The following BSN variants were observed in gnomAD, a reference collection of about 807,000 sequenced individuals.
The protein encoded by BSN is bassoon presynaptic cytomatrix protein.
Under a neutral mutation model 264.8 loss-of-function variants are expected in BSN, and 57 were observed. That is an observed-to-expected ratio of 0.22 (90% confidence interval 0.17 to 0.27). The LOEUF is 0.27. BSN is among the 10% of genes least tolerant of loss of function. The probability of loss-of-function intolerance (pLI) is 1.00; values close to 1 mark genes in which losing one functional copy is unlikely to be tolerated. For synonymous variants in BSN, 2,059 were observed against 2,137.3 expected (o/e 0.96, Z 1.01); for missense variants, 4,615 against 5,232.5 (o/e 0.88, Z 3.64).
At chr3:49,612,386 C>T (rs1257716186) in intron 1 of BSN, among the ~76,000 whole-genome samples, 6 of 152,150 alleles carry the variant, frequency 3.9e-5, no homozygotes, top group African/African-American at 7.2e-5. Flanking sequence ...CTGCCTGCCT[C>T]GGCCTCCCAA....
chr3:49,570,847 GA>G (rs1282696028), intron 1 of BSN, among the ~76,000 whole-genome samples: 1 of 152,184 alleles, frequency 6.6e-6, no homozygotes, highest in Non-Finnish European at 1.5e-5. Flanking sequence ...TCAGAGGCAA[GA>G]AGAAAGAGGA....
intron 1 of BSN, among the ~76,000 whole-genome samples, chr3:49,590,439 C>T (rs964168733): frequency 5.9e-5 from 9 of 151,990 alleles, no homozygotes; most frequent in Non-Finnish European, 1.0e-4. Context: ...CTATTTGTCT[C>T]ATGCTTTTTT....
Position 49,661,190 on chromosome 3 carries a change from A to G in BSN, c.9345A>G (p.Thr3115=). 1 of 1,613,562 alleles carries G rather than the reference A, an allele frequency of 6.2e-7. No homozygotes were observed. The highest frequency in any genetic ancestry group is 1.1e-5 in the South Asian group (1 of 91,076). Residue 3115 remains threonine, a synonymous_variant, in exon 6 of 12, where the codon ACA becomes ACG. Transcript: ENST00000296452. Reference sequence around the variant, plus strand: ...CAAACCAGCAGGCTTTCCGCCCCACAGGCCACTATGCAGGCCAAACACCCA... The same window carrying G: ...CAAACCAGCAGGCTTTCCGCCCCACGGGCCACTATGCAGGCCAAACACCCA... ...GLPNQQAFRP[T]GHYAGQTPMP...
At chr3:49,624,145 C>T (rs1389195638) in intron 1 of BSN, among the ~76,000 whole-genome samples, 4 of 150,788 alleles carry the variant, frequency 2.7e-5, no homozygotes, top group Non-Finnish European at 4.4e-5. Flanking sequence ...GGCCTACAGG[C>T]GCCCACCACC....
intron 1 of BSN, among the ~76,000 whole-genome samples, chr3:49,575,887 T>C (rs2051842311): frequency 6.6e-6 from 1 of 152,008 alleles, no homozygotes; most frequent in African/African-American, 2.4e-5. Flanking sequence ...TAGAAGATCC[T>C]AGAAATATGC....
At chr3:49,640,478 G>A (rs370330673) in intron 2 of BSN, 69 of 152,228 alleles carry the variant, frequency 4.5e-4, no homozygotes, top group African/African-American at 1.3e-3. Flanking sequence ...CAGAGTACCC[G>A]GAGGGTGTTT....
intron 1 of BSN, among the ~76,000 whole-genome samples, chr3:49,612,039 C>T (rs1489185888): frequency 6.6e-6 from 1 of 152,140 alleles, no homozygotes; most frequent in African/African-American, 2.4e-5. Flanking sequence ...ACATTTTTTC[C>T]TTCCAAAAAC....
chr3:49,613,873 T>C (rs950030406), intron 1 of BSN, among the ~76,000 whole-genome samples: 1 of 152,040 alleles, frequency 6.6e-6, no homozygotes, highest in Non-Finnish European at 1.5e-5. Flanking sequence ...ACGTGGTTTC[T>C]ATGAGTTCTT....
In BSN at chr3:49,656,579, T is replaced by G; in HGVS notation, c.7023T>G (p.Ala2341=). The change falls in exon 5 of 12, where the codon GCT becomes GCG. Residue 2341 remains alanine, a synonymous_variant. Transcript: ENST00000296452. ...GCCAGAAGCCACCAGCAGATGCTGC[T>G]CCTGGGGGTGGCAGTGGGGCCCTCA... The part of the protein sequence containing the change: ...LAGQKPPADA[A]PGGGSGALSR... 6.3e-7 allele frequency: 1 copy of G among 1,590,092 alleles called. No homozygotes were observed. Among genetic ancestry groups the G allele is most frequent in the Non-Finnish European group, 8.6e-7 (1 of 1,167,832 alleles).
Position 49,657,624 on chromosome 3 carries a change from A to T in BSN, c.8068A>T (p.Ile2690Phe), listed in dbSNP as rs753014034. The T allele has an allele frequency of 5.0e-6, 8 of 1,601,634 alleles. No individual in the cohort carries two copies. Among genetic ancestry groups the T allele is most frequent in the Non-Finnish European group, 6.8e-6 (8 of 1,171,426 alleles). Residue 2690 changes from isoleucine to phenylalanine, a missense_variant, in exon 5 of 12, where the codon ATC becomes TTC. Coordinates refer to ENST00000296452, the MANE Select transcript of BSN (RefSeq NM_003458.4). ...QLPRVSPAIHITAATDPKVEI... is the reference protein window; with the variant it reads ...QLPRVSPAIHFTAATDPKVEI... Reference sequence around the variant, plus strand: ...GCCCAGGGTCTCTCCAGCCATCCACATCACAGCTGCCACCGATCCCAAGGT... The same window carrying T: ...GCCCAGGGTCTCTCCAGCCATCCACTTCACAGCTGCCACCGATCCCAAGGT...
chr3:49,662,145 G>T lies in BSN; in HGVS notation c.10300G>T (p.Asp3434Tyr). 6.2e-7 allele frequency: 1 copy of T among 1,613,460 alleles called. No individual in the cohort carries two copies. The highest frequency in any genetic ancestry group is 1.1e-5 in the South Asian group (1 of 91,048). ...GMSSRDAVED[D>Y]RIYGGSSRSR... ...GTCCAGCCGGGACGCAGTGGAGGAC[G>T]ACCGCATTTATGGCGGGAGCAGCCG... Residue 3434 changes from aspartate to tyrosine, a missense_variant, in exon 6 of 12, where the codon GAC (aspartate) becomes TAC (tyrosine). By Grantham distance (160) the Asp-to-Tyr change is radical. Around this residue, in one of 3 missense-constraint regions of BSN, gnomAD observed 3,415 missense variants for 3,866.4 expected, o/e 0.88. Coordinates refer to ENST00000296452, the MANE Select transcript of BSN (RefSeq NM_003458.4).
intron 1 of BSN, among the ~76,000 whole-genome samples, chr3:49,592,407 CCAATTATTTCT>C (rs1350623414): frequency 1.3e-4 from 20 of 150,286 alleles, no homozygotes; most frequent in Non-Finnish European, 2.7e-4. Flanking sequence ...CCGTGCCCGA[CCAATTATTTCT>C]CAATTTTTTA....
chr3:49,651,354 G>A lies in BSN; in HGVS notation c.1987-189G>A, dbSNP rs373380759. ...TAAAGTTTCTCTTTGAAGACCAAGG[G>A]CTGGTTTGGGCTTGCCATGGAACCT... On this transcript the variant is annotated intron_variant, in intron 4 of 11. Transcript: ENST00000296452. The surrounding 1 kb of genome is among the most constrained non-coding windows in gnomAD (Gnocchi z 5.4). 10 of 678,510 alleles carry A rather than the reference G, an allele frequency of 1.5e-5. No individual in the cohort carries two copies. Among genetic ancestry groups the A allele is most frequent in the East Asian group, 1.4e-4 (5 of 35,500 alleles). The allele number at this position is 678,510 out of a possible 1,614,324, so 42.0% of individuals were successfully genotyped here. A position where few individuals can be genotyped will look rare whatever the true frequency, so the allele number is the denominator to read the frequency against.
At chr3:49,673,087 C>T (rs868150110), downstream of BSN, among the ~76,000 whole-genome samples, 13 of 43,206 alleles carry the variant, frequency 3.0e-4, no homozygotes, top group African/African-American at 4.2e-4. Flanking sequence ...CCGGCCGGGA[C>T]TTTTTTTTTT....
At chr3:49,650,379 CTCT>C (rs2052530984) in intron 3 of BSN, among the ~76,000 whole-genome samples, 1 of 152,162 alleles carries the variant, frequency 6.6e-6, no homozygotes, top group Admixed American at 6.5e-5. Flanking sequence ...AAGGAAAGTA[CTCT>C]TCTTTGGGGT....
At chr3:49,587,806 CAG>C (rs1225338179) in intron 1 of BSN, among the ~76,000 whole-genome samples, 1 of 152,060 alleles carries the variant, frequency 6.6e-6, no homozygotes, top group African/African-American at 2.4e-5. Flanking sequence ...GAGGACCAAT[CAG>C]GGGTACTTTC....
rs144741253 is a variant in BSN at position 49,655,027 on chromosome 3, C to T, written c.5471C>T (p.Ala1824Val). ...RDVLITQMGT[A>V]QSIGLKPGPV... ...GTTTTGATCACTCAGATGGGCACCG[C>T]CCAGAGCATTGGCCTCAAGCCAGGC... The change falls in exon 5 of 12, where the codon GCC (alanine) becomes GTC (valine). Residue 1824 changes from alanine to valine, a missense_variant. This residue lies in a region of BSN where 3,415 missense variants were observed against 3,866.4 expected (regional missense o/e 0.88). Transcript: ENST00000296452. 3.1e-6 allele frequency: 5 copies of T among 1,613,118 alleles called. No individual in the cohort carries two copies. The highest frequency in any genetic ancestry group is 4.2e-6 in the Non-Finnish European group (5 of 1,180,050).
At chr3:49,560,165 T>G (rs1262605781) in intron 1 of BSN, among the ~76,000 whole-genome samples, 1 of 152,142 alleles carries the variant, frequency 6.6e-6, no homozygotes, top group Admixed American at 6.5e-5. Context: ...TTTGGGGGCT[T>G]AATAAATCTT....
chr3:49,614,902 G>T (rs549597817), intron 1 of BSN, among the ~76,000 whole-genome samples: 7 of 152,234 alleles, frequency 4.6e-5, no homozygotes, highest in African/African-American at 1.7e-4. Flanking sequence ...TGGGGAATGA[G>T]GTCCCCAAGG....
Sources: gnomAD v4.1 joint callset for allele counts (sites outside exome capture counted in the v4.1 genomes callset) on GRCh38, gnomAD v4.1.1 for gene constraint, gnomAD v4.1.1 regional missense constraint, Gnocchi (gnomAD v3.1) non-coding constraint, MANE v1.5 for transcripts, NCBI Gene and HGNC (gene_info 2026-07-23, HGNC 2026-07-21) for gene names.